The following FGF12 variants were observed in gnomAD, a reference collection of about 807,000 sequenced individuals.
The protein encoded by FGF12 is fibroblast growth factor 12.
Under a neutral mutation model 23.6 loss-of-function variants are expected in FGF12, and 14 were observed. The observed-to-expected ratio is 0.59, with a 90% CI of 0.39 to 0.93. The LOEUF is 0.93. FGF12 is among the 40% of genes least tolerant of loss of function. The probability of loss-of-function intolerance (pLI) is 0.00; values close to 1 mark genes in which losing one functional copy is unlikely to be tolerated. For missense variants in FGF12, 175 were observed against 217.8 expected (o/e 0.80, Z 1.24); for synonymous variants, 62 against 77.3 (o/e 0.80, Z 1.04).
rs1228183859 is a variant in FGF12, at chr3:192,409,023, T to G, written c.14-48485A>C. On this transcript the variant is annotated intron_variant, in intron 2 of 5. Coordinates refer to ENST00000445105, the MANE Select transcript of FGF12 (RefSeq NM_004113.6). This position sits in a 1 kb window ranked among gnomAD's most constrained non-coding sequence, Gnocchi z 4.8. ...CGGGGGCAGCTGTTTCCAGCTGCGGTGAGAGCAACTCCCGGCCAGCAGCAC... is the reference window on the plus strand; with the variant it reads ...CGGGGGCAGCTGTTTCCAGCTGCGGGGAGAGCAACTCCCGGCCAGCAGCAC... 1 of 966,512 alleles carries G rather than the reference T, an allele frequency of 1.0e-6. No individual in the cohort carries two copies. Among genetic ancestry groups the G allele is most frequent in the Non-Finnish European group, 1.2e-6 (1 of 826,194 alleles). The allele number at this position is 966,512 out of a possible 1,614,324, so 59.9% of individuals were successfully genotyped here.
At chr3:192,537,656 A>C (rs1725257810) in intron 2 of FGF12, among the ~76,000 whole-genome samples, 1 of 152,094 alleles carries the variant, frequency 6.6e-6, no homozygotes, top group Non-Finnish European at 1.5e-5. Flanking sequence ...TTTTTTCCCT[A>C]TTGAGTTGTT....
intron 5 of FGF12, among the ~76,000 whole-genome samples, chr3:192,167,772 A>ATATTTTTTTTTT (rs1715302128): frequency 1.9e-4 from 3 of 15,402 alleles, no homozygotes; most frequent in African/African-American, 6.7e-4. Flanking sequence ...TATATATAAA[A>ATATTTTTTTTTT]TTTTTTTTTT....
intron 2 of FGF12, among the ~76,000 whole-genome samples, chr3:192,526,136 T>C (rs1159144720): frequency 6.6e-6 from 1 of 152,216 alleles, no homozygotes; most frequent in African/African-American, 2.4e-5. Context: ...GCTTAGACTA[T>C]CCTGCTTTCT....
In FGF12 at chr3:192,333,737, C is replaced by T. The variant is rs141873297; in HGVS notation, c.228+1624G>A. 3.3e-3 allele frequency among the ~76,000 whole-genome samples: 500 copies of T among 152,112 alleles called. 3 individuals carry two copies. Among genetic ancestry groups the T allele is most frequent in the South Asian group, 0.023 (109 of 4,820 alleles). ...TAAAGGAAAATTTTCCCTTCACTCT[C>T]TGTAGCTTAAGTGAAAATCGATGGA... On this transcript the variant is annotated intron_variant, in intron 4 of 5. Coordinates refer to ENST00000445105, the MANE Select transcript of FGF12 (RefSeq NM_004113.6).
intron 2 of FGF12, among the ~76,000 whole-genome samples, chr3:192,631,179 G>A (rs1715379644): frequency 6.6e-6 from 1 of 152,036 alleles, no homozygotes; most frequent in African/African-American, 2.4e-5. Flanking sequence ...AGAGTTCAGT[G>A]TCCTCCATCT....
At chr3:192,367,121 TC>T (rs1194482198) in intron 2 of FGF12, among the ~76,000 whole-genome samples, 1 of 152,180 alleles carries the variant, frequency 6.6e-6, no homozygotes, top group Non-Finnish European at 1.5e-5. Context: ...AACCCTGATG[TC>T]CTGGAAAGCT....
Position 192,452,025 on chromosome 3 carries a change from G to A in FGF12, c.14-91487C>T, listed in dbSNP as rs10048952. ...TTGCCTGTTTGCTTTGGTAAGGATC[G>A]CCAGTGCAATATTGAATAGAAGTAA... is the stretch of plus-strand genomic sequence containing the variant. On this transcript the variant is annotated intron_variant, in intron 2 of 5. Coordinates refer to ENST00000445105, the MANE Select transcript of FGF12 (RefSeq NM_004113.6). Among the ~76,000 whole-genome samples the A allele has an allele frequency of 9.0e-3, 1,364 of 152,048 alleles. 18 individuals carry two copies. The highest frequency in any genetic ancestry group is 0.03 in the African/African-American group (1,235 of 41,468).
chr3:192,398,757 A>G (rs557173697), intron 2 of FGF12, among the ~76,000 whole-genome samples: 1 of 152,288 alleles, frequency 6.6e-6, no homozygotes, highest in Non-Finnish European at 1.5e-5. Flanking sequence ...TAGAAAGAAA[A>G]GTAGATTAGG....
At chr3:192,547,732 G>T (rs1217335603) in intron 2 of FGF12, among the ~76,000 whole-genome samples, 1 of 152,198 alleles carries the variant, frequency 6.6e-6, no homozygotes, top group Non-Finnish European at 1.5e-5. Flanking sequence ...TATAATGCTA[G>T]AACTTAACCA....
chr3:192,342,238 AC>A (rs1362622500), intron 3 of FGF12, among the ~76,000 whole-genome samples: 12 of 152,226 alleles, frequency 7.9e-5, no homozygotes, highest in African/African-American at 2.7e-4. Context: ...TTTATTCATA[AC>A]TTTTCTCAGT....
chr3:192,607,868 G>T (rs890549864), intron 2 of FGF12, among the ~76,000 whole-genome samples: 2 of 120,306 alleles, frequency 1.7e-5, no homozygotes, highest in East Asian at 2.4e-4. Context: ...AAAAAAAAAA[G>T]AAGAAGAAGA....
At chr3:192,567,830 T>TTTCC (rs1560153080) in intron 2 of FGF12, among the ~76,000 whole-genome samples, 1 of 150,184 alleles carries the variant, frequency 6.7e-6, no homozygotes, top group African/African-American at 2.5e-5. Flanking sequence ...TCTCTCTCTC[T>TTTCC]TTTCTTTCTT....
chr3:192,184,633 C>T (rs554297596), intron 4 of FGF12, among the ~76,000 whole-genome samples: 7 of 152,304 alleles, frequency 4.6e-5, no homozygotes, highest in African/African-American at 1.7e-4. Flanking sequence ...GTACTGCTAC[C>T]TAATGATGCT....
intron 2 of FGF12, among the ~76,000 whole-genome samples, chr3:192,546,562 G>T (rs1725499592): frequency 6.6e-6 from 1 of 151,394 alleles, no homozygotes; most frequent in Non-Finnish European, 1.5e-5. Flanking sequence ...GGGTTTAATT[G>T]TAGTTCCCTG....
At chr3:192,576,906 G>A (rs1234686054) in intron 2 of FGF12, among the ~76,000 whole-genome samples, 1 of 152,184 alleles carries the variant, frequency 6.6e-6, no homozygotes, top group Non-Finnish European at 1.5e-5. Context: ...GTTCTTTGCA[G>A]GGACAGGGGA....
chr3:192,434,390 T>G (rs1230604295), intron 2 of FGF12, among the ~76,000 whole-genome samples: 3 of 152,192 alleles, frequency 2.0e-5, no homozygotes, highest in African/African-American at 7.2e-5. Flanking sequence ...CCCAGTCTCA[T>G]AGCCAGTAAA....
chr3:192,624,318 A>C (rs1257426616), intron 2 of FGF12, among the ~76,000 whole-genome samples: 1 of 152,182 alleles, frequency 6.6e-6, no homozygotes, highest in East Asian at 1.9e-4. Context: ...GGAAAAACAT[A>C]ATTTAGATGA....
chr3:192,377,982 G>A (rs6804148), intron 2 of FGF12, among the ~76,000 whole-genome samples: 22,912 of 133,758 alleles, frequency 0.17, 3,141 homozygotes, highest in East Asian at 0.37. Flanking sequence ...CTGGTATTAC[G>A]CATTGATCAA....
At chr3:192,255,334 A>G (rs1210284733) in intron 4 of FGF12, among the ~76,000 whole-genome samples, 4 of 152,120 alleles carry the variant, frequency 2.6e-5, no homozygotes, top group African/African-American at 4.8e-5. Context: ...ACAAAAGCCA[A>G]TGAATAGGGC....
Sources: allele counts gnomAD v4.1 joint callset (sites outside exome capture counted in the v4.1 genomes callset), GRCh38; gene constraint gnomAD v4.1.1; non-coding constraint Gnocchi (gnomAD v3.1); transcripts MANE v1.5; gene names NCBI Gene and HGNC (gene_info 2026-07-23, HGNC 2026-07-21).